The following SLC13A1 variants were observed in gnomAD, a reference collection of about 807,000 sequenced individuals.
SLC13A1 encodes the protein Na(+)/sulfate cotransporter.
In SLC13A1, 65 loss-of-function variants were observed where a neutral mutation model predicts 70.0. The ratio of observed to expected loss-of-function variants is 0.93; its 90% CI spans 0.76 to 1.14. The LOEUF (loss-of-function observed/expected upper bound fraction) is 1.14. Among genes scored for constraint, SLC13A1 ranks in the 50% most tolerant of loss-of-function variants. The probability of loss-of-function intolerance (pLI) is 0.00; values close to 1 mark genes in which losing one functional copy is unlikely to be tolerated. For missense variants in SLC13A1, 726 were observed against 717.8 expected (o/e 1.01, Z -0.13); for synonymous variants, 275 against 250.5 (o/e 1.10, Z -0.92).
At chr7:123,127,386 G>A (rs1793596421) in intron 10 of SLC13A1, among the ~76,000 whole-genome samples, 1 of 151,998 alleles carries the variant, frequency 6.6e-6, no homozygotes, top group African/African-American at 2.4e-5. Context: ...TTCTGCCTGG[G>A]CTTTATTAGC....
intron 2 of SLC13A1, among the ~76,000 whole-genome samples, chr7:123,175,053 A>G (rs1795403456): frequency 6.6e-6 from 1 of 152,074 alleles, no homozygotes; most frequent in South Asian, 2.1e-4. Context: ...CACTAGATTT[A>G]TCTTGAAGGC....
intron 6 of SLC13A1, among the ~76,000 whole-genome samples, chr7:123,152,509 A>G (rs1794590040): frequency 6.6e-6 from 1 of 152,142 alleles, no homozygotes; most frequent in Admixed American, 6.6e-5. Flanking sequence ...GGATGAACAG[A>G]AGAAATGCCA....
intron 6 of SLC13A1, among the ~76,000 whole-genome samples, chr7:123,160,270 CAAA>C (rs1384770804): frequency 1.1e-4 from 6 of 53,916 alleles, no homozygotes; most frequent in Non-Finnish European, 1.2e-4. Flanking sequence ...GACTCAGTCT[CAAA>C]AAAAAAAAAA....
intron 1 of SLC13A1, among the ~76,000 whole-genome samples, chr7:123,188,945 C>A (rs1795905709): frequency 6.6e-6 from 1 of 151,002 alleles, no homozygotes; most frequent in South Asian, 2.1e-4. Context: ...GAAACCCCGT[C>A]TCTACTAAAA....
chr7:123,168,443 G>A (rs758993187), intron 5 of SLC13A1, 21 bp from the exon 6 acceptor site: 6 of 1,587,808 alleles, frequency 3.8e-6, no homozygotes, highest in Non-Finnish European at 5.2e-6. Context: ...CATTGATCCA[G>A]TTATAATTTT....
At position 123,147,240 on chromosome 7, in the gene SLC13A1, A is replaced by G; in HGVS notation, c.731T>C (p.Ile244Thr). ...TCCACCAATGGTAGAAGAGTAGGCA[A>G]TGCACAAACACGTAAGTTTACGTGT... ...HVTRKLTCLC[I>T]AYSSTIGGLT... is the part of the protein sequence containing the mutation. Residue 244 changes from isoleucine to threonine, a missense_variant, in exon 7 of 15, where the codon ATT becomes ACT. By Grantham distance (89) the Ile-to-Thr change is moderately conservative (BLOSUM62 -1). Transcript: ENST00000194130. 1 of 1,613,760 alleles carries G rather than the reference A, an allele frequency of 6.2e-7. No individual in the cohort carries two copies. Among genetic ancestry groups the G allele is most frequent in the Non-Finnish European group, 8.5e-7 (1 of 1,179,826 alleles).
At chr7:123,161,758 TAAAACAAAAG>T (rs1476548208) in intron 6 of SLC13A1, among the ~76,000 whole-genome samples, 1 of 152,094 alleles carries the variant, frequency 6.6e-6, no homozygotes, top group African/African-American at 2.4e-5. Flanking sequence ...GTGCAAGTGA[TAAAACAAAAG>T]AAAACAAGAG....
At chr7:123,172,323 A>G (rs1476336460) in intron 2 of SLC13A1, among the ~76,000 whole-genome samples, 1 of 152,184 alleles carries the variant, frequency 6.6e-6, no homozygotes. Context: ...TTTACTTTCA[A>G]AATTACTTTT....
At chr7:123,195,758 G>T (rs1394557256) in intron 1 of SLC13A1, among the ~76,000 whole-genome samples, 1 of 151,904 alleles carries the variant, frequency 6.6e-6, no homozygotes, top group Non-Finnish European at 1.5e-5. Context: ...TCTGAAGAAA[G>T]AATTAAAATT....
At chr7:123,195,963 G>A (rs1189652115) in intron 1 of SLC13A1, among the ~76,000 whole-genome samples, 1 of 151,894 alleles carries the variant, frequency 6.6e-6, no homozygotes, top group Admixed American at 6.6e-5. Context: ...AACAAATCTG[G>A]CCTTTTTGTT....
rs761216152 is a variant in SLC13A1 at position 123,168,515 on chromosome 7, T to C, written c.600A>G (p.Lys200=). The C allele has an allele frequency of 6.2e-6, 10 of 1,610,810 alleles. No individual in the cohort carries two copies. In the African/African-American group the frequency reaches 1.3e-4, roughly 22 times the overall value. The part of the protein sequence containing the change: ...HEINERKEKT[K]PVPGYNNDTG... ...TCAGTATTCCTTACCCTGGAACTGG[T>C]TTTGTTTTCTCTTTCCTCTCATTTA... Residue 200 remains lysine, a synonymous_variant, in exon 5 of 15, where the codon AAA becomes AAG. Transcript: ENST00000194130.
intron 6 of SLC13A1, among the ~76,000 whole-genome samples, chr7:123,162,624 A>C (rs2116506421): frequency 6.6e-6 from 1 of 152,208 alleles, no homozygotes; most frequent in Non-Finnish European, 1.5e-5. Context: ...TTGTTACGTG[A>C]TCTAAGCTAA....
chr7:123,194,868 C>T (rs984272919), intron 1 of SLC13A1, among the ~76,000 whole-genome samples: 1 of 152,084 alleles, frequency 6.6e-6, no homozygotes, highest in Admixed American at 6.6e-5. Flanking sequence ...GCAAGTGGGA[C>T]TGCATGCGGT....
At chr7:123,133,704 T>G (rs1793848942) in intron 8 of SLC13A1, among the ~76,000 whole-genome samples, 1 of 151,430 alleles carries the variant, frequency 6.6e-6, no homozygotes, top group South Asian at 2.1e-4. Flanking sequence ...ATTTTTTGTG[T>G]TTTTTTTAGT....
chr7:123,180,931 C>T (rs974351822), intron 2 of SLC13A1, 42 bp downstream of exon 2: 2 of 1,575,508 alleles, frequency 1.3e-6, no homozygotes, highest in South Asian at 1.2e-5. Flanking sequence ...AATCTCAATA[C>T]AAAACAGGAA....
At chr7:123,163,097 A>G (rs1794965293) in intron 6 of SLC13A1, among the ~76,000 whole-genome samples, 1 of 152,048 alleles carries the variant, frequency 6.6e-6, no homozygotes, top group Admixed American at 6.6e-5. Flanking sequence ...TAGCAACTTT[A>G]TTCCTTCTTT....
intron 2 of SLC13A1, among the ~76,000 whole-genome samples, chr7:123,174,095 T>C (rs1239940979): frequency 2.0e-5 from 3 of 152,030 alleles, no homozygotes; most frequent in Admixed American, 6.6e-5. Context: ...CTGTCCATAG[T>C]CTTTATAGTC....
chr7:123,140,326 T>G (rs1794091723), intron 7 of SLC13A1, among the ~76,000 whole-genome samples: 1 of 152,098 alleles, frequency 6.6e-6, no homozygotes, highest in Admixed American at 6.6e-5. Context: ...ATTTGTTGAA[T>G]TCAGTTTGTT....
intron 12 of SLC13A1, among the ~76,000 whole-genome samples, chr7:123,120,534 G>T (rs144600635): frequency 3.4e-4 from 51 of 152,076 alleles, no homozygotes; most frequent in African/African-American, 1.2e-3. Context: ...CCCCCACATG[G>T]AAGGGAAAAT....
Sources: gnomAD v4.1 joint callset for allele counts (sites outside exome capture counted in the v4.1 genomes callset) on GRCh38, gnomAD v4.1.1 for gene constraint, MANE v1.5 for transcripts, NCBI Gene and HGNC (gene_info 2026-07-23, HGNC 2026-07-21) for gene names.